The following INPP5B variants were observed in gnomAD, a reference collection of about 807,000 sequenced individuals.
The protein encoded by INPP5B is type II inositol 1,4,5-trisphosphate 5-phosphatase.
In INPP5B, 90 loss-of-function variants were observed where a neutral mutation model predicts 118.5. The observed-to-expected ratio is 0.76, with a 90% CI of 0.64 to 0.90. INPP5B has a LOEUF of 0.90. INPP5B is among the 40% of genes least tolerant of loss of function. INPP5B has a pLI of 0.00. For missense variants in INPP5B, 984 were observed against 1,125.6 expected, an observed-to-expected ratio of 0.87 and a Z score of 1.80; for synonymous variants, 385 against 418.9, an observed-to-expected ratio of 0.92 and a Z score of 0.99.
chr1:37,896,807 G>A (rs1345399508), intron 7 of INPP5B, among the ~76,000 whole-genome samples: 2 of 141,558 alleles, frequency 1.4e-5, no homozygotes, highest in East Asian at 2.2e-4. Flanking sequence ...CCGGCCAGCC[G>A]CCCTGTCCGG....
At chr1:37,885,416 A>G (rs1442589269) in intron 13 of INPP5B, 1 of 392,112 alleles carries the variant, frequency 2.6e-6, no homozygotes, top group Non-Finnish European at 4.6e-6. Context: ...TCCATCTCGA[A>G]AAAAAAAAAA....
At chr1:37,931,684 C>T (rs1306084535) in intron 7 of INPP5B, 4 of 1,526,184 alleles carry the variant, frequency 2.6e-6, no homozygotes, top group Non-Finnish European at 3.5e-6. Context: ...TGCAGTGTTG[C>T]GCTCCCGAGA....
At chr1:37,927,232 T>G (rs1375540798) in intron 7 of INPP5B, among the ~76,000 whole-genome samples, 4 of 152,014 alleles carry the variant, frequency 2.6e-5, no homozygotes, top group Admixed American at 1.3e-4. Flanking sequence ...GAGGTGGAAG[T>G]TGCAGTGAGC....
chr1:37,923,980 G>A (rs770912174), intron 7 of INPP5B, among the ~76,000 whole-genome samples: 2 of 151,980 alleles, frequency 1.3e-5, no homozygotes, highest in Non-Finnish European at 1.5e-5. Context: ...TTTTCACCAT[G>A]TTGGCCAGGC....
chr1:37,931,644 C>G, intron 7 of INPP5B: 1 of 1,534,908 alleles, frequency 6.5e-7, no homozygotes. Context: ...GCCCAGCTCC[C>G]CAGCCCAGCT....
chr1:37,895,956 G>A (rs1026703496), intron 7 of INPP5B, among the ~76,000 whole-genome samples: 7 of 151,594 alleles, frequency 4.6e-5, no homozygotes, highest in Non-Finnish European at 8.8e-5. Flanking sequence ...AGTGAGGAGC[G>A]TCTCCGCCTG....
intron 5 of INPP5B, 77 bp downstream of exon 5, chr1:37,943,563 A>G: frequency 6.6e-7 from 1 of 1,513,548 alleles, no homozygotes; most frequent in African/African-American, 1.4e-5. Flanking sequence ...GGGTGCTCTT[A>G]CTTTACACCA....
intron 8 of INPP5B, among the ~76,000 whole-genome samples, chr1:37,890,404 T>G (rs1235139706): frequency 6.6e-6 from 1 of 152,052 alleles, no homozygotes; most frequent in African/African-American, 2.4e-5. Context: ...ACTTGATCAT[T>G]CTATTCTGTA....
intron 12 of INPP5B, among the ~76,000 whole-genome samples, chr1:37,886,507 T>A (rs923718557): frequency 4.6e-5 from 7 of 152,100 alleles, no homozygotes; most frequent in Admixed American, 4.6e-4. Context: ...AAAGCTAAGC[T>A]CTCACAGAAG....
At chr1:37,898,581 G>A (rs966865832) in intron 7 of INPP5B, among the ~76,000 whole-genome samples, 22 of 151,990 alleles carry the variant, frequency 1.4e-4, no homozygotes, top group Non-Finnish European at 2.4e-4. Context: ...TGTAGTCCCA[G>A]CTACTCGGGA....
chr1:37,880,061 C>G, intron 15 of INPP5B, 24 bp downstream of exon 15: 1 of 1,529,038 alleles, frequency 6.5e-7, no homozygotes, highest in South Asian at 1.2e-5. Flanking sequence ...TTTGCTCAAC[C>G]CTTTGAAGCA....
chr1:37,888,817 A>G (rs1643683216), intron 9 of INPP5B, among the ~76,000 whole-genome samples: 1 of 152,234 alleles, frequency 6.6e-6, no homozygotes. Context: ...AGAATCCCAC[A>G]ACCTTTATTA....
chr1:37,878,264 GTGA>G lies in INPP5B; in HGVS notation c.1598_1600del (p.Ile533del). The stretch of plus-strand genomic sequence containing the variant: ...CATGTGGCTCTGGTAACTCAGCTGA[GTGA>G]TGTTCTTCCCTTTCCAGAGAATCCG... On this transcript the variant is annotated inframe_deletion, in exon 16 of 24. Transcript: ENST00000373024. The G allele has an allele frequency of 6.2e-7, 1 of 1,614,148 alleles. No homozygotes were observed. Among genetic ancestry groups the G allele is most frequent in the Non-Finnish European group, 8.5e-7 (1 of 1,180,020 alleles).
Position 37,874,135 on chromosome 1 carries a change from C to T in INPP5B, c.1809G>A (p.Lys603=), listed in dbSNP as rs375504629. The T allele has an allele frequency of 6.3e-7, 1 of 1,575,116 alleles. No individual in the cohort carries two copies. The highest frequency in any genetic ancestry group is 8.7e-7 in the Non-Finnish European group (1 of 1,151,114). The change falls in exon 18 of 24, where the codon AAG becomes AAA. Residue 603 remains lysine (K), a synonymous_variant. Coordinates refer to ENST00000373024, the MANE Select transcript of INPP5B (RefSeq NM_005540.3). ...SKREFCFQNV[K]YMQLKVESFT... is the part of the protein sequence containing the mutation. ...AGGATTCTACTTTCAATTGCATGTA[C>T]TTCACATTCTGAAAACAGAACTGGG...
chr1:37,879,136 G>A (rs1012396171), intron 15 of INPP5B, among the ~76,000 whole-genome samples: 1 of 151,894 alleles, frequency 6.6e-6, no homozygotes, highest in Admixed American at 6.6e-5. Context: ...GCTGGGCATG[G>A]TGGTGTGTGC....
intron 7 of INPP5B, among the ~76,000 whole-genome samples, chr1:37,900,833 CAG>C (rs1313563980): frequency 1.3e-5 from 2 of 150,500 alleles, no homozygotes; most frequent in Admixed American, 6.6e-5. Flanking sequence ...TTTTTTGAGA[CAG>C]AGTCTCTCTC....
chr1:37,891,874 A>T (rs1303756105), intron 7 of INPP5B, among the ~76,000 whole-genome samples: 1 of 152,250 alleles, frequency 6.6e-6, no homozygotes, highest in Non-Finnish European at 1.5e-5. Context: ...AATTATTGGT[A>T]GTCCACATAT....
intron 16 of INPP5B, among the ~76,000 whole-genome samples, chr1:37,877,816 T>C (rs879905329): frequency 3.9e-5 from 6 of 152,132 alleles, no homozygotes; most frequent in African/African-American, 1.4e-4. Flanking sequence ...AAAGATCTCC[T>C]AAGACATATT....
Position 37,876,703 on chromosome 1 carries a change from CA to C in INPP5B, c.1678-988del, listed in dbSNP as rs754849945. On this transcript the variant is annotated intron_variant, in intron 16 of 23. Coordinates refer to ENST00000373024, the MANE Select transcript of INPP5B (RefSeq NM_005540.3). ...TGAAACCCCGTCTCTACTAAAAATA[CA>C]AAAAAAAAAAAAAAAAAAACCATTA... 7.1e-4 allele frequency among the ~76,000 whole-genome samples: 57 copies of C among 80,784 alleles called. 1 individual carries two copies. Among genetic ancestry groups the C allele is most frequent in the Middle Eastern group, 0.018 (2 of 110 alleles). The allele number at this position is 80,784 out of a possible 152,430, so 53.0% of individuals were successfully genotyped here.
Sources: allele counts gnomAD v4.1 joint callset (sites outside exome capture counted in the v4.1 genomes callset), GRCh38; gene constraint gnomAD v4.1.1; transcripts MANE v1.5; gene names NCBI Gene and HGNC (gene_info 2026-07-23, HGNC 2026-07-21).